PGLYRP2: variants seen among roughly 807,000 people sequenced by gnomAD.
The protein encoded by PGLYRP2 is N-acetylmuramoyl-L-alanine amidase.
In PGLYRP2, 38 loss-of-function variants were observed where a neutral mutation model predicts 46.2. That is an observed-to-expected ratio of 0.82 (90% confidence interval 0.64 to 1.08). The LOEUF is 1.08. Ranked by LOEUF, PGLYRP2 falls within the 50% of genes least tolerant of loss-of-function variation. The probability of loss-of-function intolerance (pLI) is 0.00; values close to 1 mark genes in which losing one functional copy is unlikely to be tolerated. For synonymous variants in PGLYRP2, 289 were observed against 329.4 expected (o/e 0.88, Z 1.33); for missense variants, 713 against 755.9 (o/e 0.94, Z 0.67).
intron 3 of PGLYRP2, 137 bp downstream of exon 3, chr19:15,471,753 C>T: frequency 1.0e-6 from 1 of 997,600 alleles, no homozygotes; most frequent in Non-Finnish European, 1.4e-6. Context: ...TCCAACTTTG[C>T]TCTACCTATC....
Position 15,476,559 on chromosome 19 carries a change from C to A in PGLYRP2, c.111G>T (p.Leu37=). The A allele has an allele frequency of 6.2e-7, 1 of 1,612,560 alleles. No homozygotes were observed. ...TCTTGGCAGCTGGCACTTTCTGCTC[C>A]AGCTCAGCCAGGGCCTGGATGACAG... ...MDSVIQALAE[L]EQKVPAAKTR... Residue 37 remains leucine (L), a synonymous_variant, in exon 2 of 5, where the codon CTG becomes CTT. Coordinates refer to ENST00000340880, the MANE Select transcript of PGLYRP2 (RefSeq NM_052890.4).
At chr19:15,470,236 T>TTTTC (rs1568340180) in intron 3 of PGLYRP2, among the ~76,000 whole-genome samples, 27 of 119,340 alleles carry the variant, frequency 2.3e-4, no homozygotes, top group African/African-American at 6.8e-4. Context: ...TTTGGGTTTT[T>TTTTC]TTTCTTTCCT....
rs760768279 is a variant in PGLYRP2, at chr19:15,476,323, C to G, written c.347G>C (p.Gly116Ala). Residue 116 changes from glycine to alanine, a missense_variant, in exon 2 of 5, where the codon GGC (glycine) becomes GCC (alanine). Gly to Ala is a moderately conservative substitution (Grantham distance 60). Coordinates refer to ENST00000340880, the MANE Select transcript of PGLYRP2 (RefSeq NM_052890.4). ...CAGAGGCTCCACAGCCACGGTCGAG[C>G]CATCAGGTGCCAGCACCACCCCATA... ...KEYGVVLAPD[G>A]STVAVEPLLA... 2 of 1,614,074 alleles carry G rather than the reference C, an allele frequency of 1.2e-6. No individual in the cohort carries two copies. Among genetic ancestry groups the G allele is most frequent in the African/African-American group, 2.7e-5 (2 of 74,922 alleles).
chr19:15,469,024 A>C lies in PGLYRP2; in HGVS notation c.1642-272T>G, dbSNP rs1428344821. 5 of 510,598 alleles carry C rather than the reference A, an allele frequency of 9.8e-6. No homozygotes were observed. The highest frequency in any genetic ancestry group is 5.7e-5 in the African/African-American group (3 of 52,326). The allele number at this position is 510,598 out of a possible 1,614,324, so 31.6% of individuals were successfully genotyped here. ...GGGCTGGGATGAGGTCATCAGGTCA[A>C]AGTTGTGCTGGCATAAGAGTTGTCA... On this transcript the variant is annotated intron_variant, in intron 4 of 4. Transcript: ENST00000340880. This position sits in a 1 kb window ranked among gnomAD's most constrained non-coding sequence, Gnocchi z 4.9.
In PGLYRP2 at chr19:15,475,466, C is replaced by A. The variant is rs1042829265; in HGVS notation, c.1132+72G>T. 9.1e-6 allele frequency: 13 copies of A among 1,427,704 alleles called. No homozygotes were observed. In the African/African-American group the frequency reaches 1.6e-4, roughly 17 times the overall value. 88.4% of individuals were successfully genotyped at this position (1,427,704 alleles called of 1,614,324 possible). Reference sequence around the variant, plus strand: ...TCTGGACTCTCCTAGTCCTCAACTTCCCTGAATATACGGGGTGGGGGCGTC... The same window carrying A: ...TCTGGACTCTCCTAGTCCTCAACTTACCTGAATATACGGGGTGGGGGCGTC... On this transcript the variant is annotated intron_variant, in intron 2 of 4. Transcript: ENST00000340880.
At chr19:15,470,024 C>T in intron 3 of PGLYRP2, 95 bp from the exon 4 acceptor site, 1 of 1,249,682 alleles carries the variant, frequency 8.0e-7, no homozygotes, top group African/African-American at 1.6e-5. Flanking sequence ...GTGCCAAGGG[C>T]CACCGACCCC....
chr19:15,476,452 G>GCCCC lies in PGLYRP2; in HGVS notation c.214_217dup (p.Ala73GlyfsTer30), dbSNP rs1970798071. 1 of 1,614,120 alleles carries GCCCC rather than the reference G, an allele frequency of 6.2e-7. No individual in the cohort carries two copies. The highest frequency in any genetic ancestry group is 8.5e-7 in the Non-Finnish European group (1 of 1,180,030). On this transcript the variant is annotated frameshift_variant, in exon 2 of 5. Coordinates refer to ENST00000340880, the MANE Select transcript of PGLYRP2 (RefSeq NM_052890.4). LOFTEE classifies it high-confidence loss of function. ...CAACTCTGTAGCATTGAGGCTCCAT[G>GCCCC]CCCCCAGCAGGAAGTGGTAGAGGCG...
intron 3 of PGLYRP2, among the ~76,000 whole-genome samples, 161 bp from the exon 4 acceptor site, chr19:15,470,090 C>T (rs930300292): frequency 6.6e-6 from 1 of 152,212 alleles, no homozygotes; most frequent in African/African-American, 2.4e-5. Flanking sequence ...CACTCTCACA[C>T]CAGCTGCCAC....
intron 2 of PGLYRP2, among the ~76,000 whole-genome samples, chr19:15,475,164 A>C (rs1970782177): frequency 6.6e-6 from 1 of 152,076 alleles, no homozygotes; most frequent in Non-Finnish European, 1.5e-5. Context: ...GAGATTCAGA[A>C]GGGTGAGGGA....
intron 3 of PGLYRP2, among the ~76,000 whole-genome samples, chr19:15,471,360 C>T (rs1162504636): frequency 3.9e-5 from 6 of 152,010 alleles, no homozygotes; most frequent in Non-Finnish European, 7.4e-5. Flanking sequence ...GTGATCCTCC[C>T]GCCTCGGCCT....
chr19:15,474,194 G>A (rs191993048), intron 2 of PGLYRP2, among the ~76,000 whole-genome samples: 1 of 152,104 alleles, frequency 6.6e-6, no homozygotes, highest in East Asian at 1.9e-4. Context: ...AAAATTAGCC[G>A]AGCATGGTGG....
intron 3 of PGLYRP2, among the ~76,000 whole-genome samples, chr19:15,471,245 T>C (rs1355775553): frequency 6.6e-6 from 1 of 151,410 alleles, no homozygotes; most frequent in Non-Finnish European, 1.5e-5. Flanking sequence ...CCCAAGTAGC[T>C]GGGACTACAG....
chr19:15,469,365 G>A lies in PGLYRP2; in HGVS notation c.1641+267C>T, dbSNP rs1203128762. On this transcript the variant is annotated intron_variant, in intron 4 of 4. Coordinates refer to ENST00000340880, the MANE Select transcript of PGLYRP2 (RefSeq NM_052890.4). The surrounding 1 kb of genome is among the most constrained non-coding windows in gnomAD (Gnocchi z 4.9). The stretch of plus-strand genomic sequence containing the variant: ...CCATGCCTTGGCTGGAAAGGTAGAG[G>A]TATTAGGAGCTGGGGAAAGGACAGG... 3 of 691,948 alleles carry A rather than the reference G, an allele frequency of 4.3e-6. No individual in the cohort carries two copies. The highest frequency in any genetic ancestry group is 7.9e-6 in the Non-Finnish European group (3 of 379,448). The allele number at this position is 691,948 out of a possible 1,614,324, so 42.9% of individuals were successfully genotyped here.
At chr19:15,473,974 A>T (rs1237936282) in intron 2 of PGLYRP2, among the ~76,000 whole-genome samples, 1 of 152,204 alleles carries the variant, frequency 6.6e-6, no homozygotes, top group Non-Finnish European at 1.5e-5. Flanking sequence ...AACATCACCA[A>T]TCATCAGAGA....
intron 1 of PGLYRP2, among the ~76,000 whole-genome samples, chr19:15,477,903 ACTATGTG>A (rs1234469563): frequency 6.6e-6 from 1 of 152,174 alleles, no homozygotes; most frequent in Non-Finnish European, 1.5e-5. Flanking sequence ...GTAAACATTT[ACTATGTG>A]CTAGCTACTA....
chr19:15,470,241 T>TTTCCTTCCCTTCCTTCC (rs1555722732), intron 3 of PGLYRP2, among the ~76,000 whole-genome samples: 1 of 100,002 alleles, frequency 1.0e-5, no homozygotes, highest in African/African-American at 3.8e-5. Context: ...GTTTTTTTTC[T>TTTCCTTCCCTTCCTTCC]TTCCTTCCTT....
At chr19:15,477,531 C>A (rs1476354397) in intron 1 of PGLYRP2, among the ~76,000 whole-genome samples, 1 of 151,368 alleles carries the variant, frequency 6.6e-6, no homozygotes, top group Non-Finnish European at 1.5e-5. Context: ...GACTCCGTCA[C>A]TACTAAAAAT....
chr19:15,469,459 GAGTGACCCGCAA>G lies in PGLYRP2; in HGVS notation c.1641+161_1641+172del. On this transcript the variant is annotated intron_variant, in intron 4 of 4. Transcript: ENST00000340880. This position sits in a 1 kb window ranked among gnomAD's most constrained non-coding sequence, Gnocchi z 4.9. ...CACAGGATCAGGGATGTTGCCCGCA[GAGTGACCCGCAA>G]AGGCTGGGCCTAGGTTTCCTGAATA... The G allele has an allele frequency of 1.1e-6, 1 of 918,380 alleles. No individual in the cohort carries two copies. The highest frequency in any genetic ancestry group is 1.7e-6 in the Non-Finnish European group (1 of 581,190). The allele number at this position is 918,380 out of a possible 1,614,324, so 56.9% of individuals were successfully genotyped here.
rs369877292 is a variant in PGLYRP2 at position 15,475,838 on chromosome 19, C to T, written c.832G>A (p.Asp278Asn). ...LTMAFLNGAL[D>N]GVILGDYLSR... ...AGGTAGTCTCCAAGGATGACCCCATCCAGGGCGCCATTGAGGAAGGCCATG... is the reference window on the plus strand; with the variant it reads ...AGGTAGTCTCCAAGGATGACCCCATTCAGGGCGCCATTGAGGAAGGCCATG... The change falls in exon 2 of 5, where the codon GAT becomes AAT. Residue 278 changes from aspartate (D) to asparagine (N), a missense_variant. Coordinates refer to ENST00000340880, the MANE Select transcript of PGLYRP2 (RefSeq NM_052890.4). 14 of 1,614,070 alleles carry T rather than the reference C, an allele frequency of 8.7e-6. No individual in the cohort carries two copies. In the African/African-American group the frequency reaches 1.7e-4, roughly 20 times the overall value.
Sources: allele counts gnomAD v4.1 joint callset (sites outside exome capture counted in the v4.1 genomes callset), GRCh38; gene constraint gnomAD v4.1.1; non-coding constraint Gnocchi (gnomAD v3.1); transcripts MANE v1.5; gene names NCBI Gene and HGNC (gene_info 2026-07-23, HGNC 2026-07-21).